DENND4A: variants seen among roughly 807,000 people sequenced by gnomAD.
DENND4A encodes the protein C-myc promoter-binding protein.
DENND4A carries 70 observed loss-of-function variants against 199.3 expected under a neutral mutation model. The observed-to-expected ratio is 0.35, with a 90% CI of 0.29 to 0.43. The LOEUF (loss-of-function observed/expected upper bound fraction) is 0.43, where lower values mean the gene tolerates loss of function less well. Ranked by LOEUF, DENND4A falls within the 20% of genes least tolerant of loss-of-function variation. The pLI is 1.00. For synonymous variants in DENND4A, 686 were observed against 766.9 expected, an observed-to-expected ratio of 0.89 and a Z score of 1.74; for missense variants, 1,723 against 2,255.8, an observed-to-expected ratio of 0.76 and a Z score of 4.78.
intron 1 of DENND4A, among the ~76,000 whole-genome samples, chr15:65,762,743 G>A (rs905324252): frequency 2.6e-5 from 4 of 152,296 alleles, no homozygotes; most frequent in South Asian, 2.1e-4. Context: ...TAATCTAGAG[G>A]TGATTTAAAG....
intron 16 of DENND4A, 150 bp from the exon 17 acceptor site, chr15:65,702,661 A>G: frequency 1.1e-6 from 1 of 909,124 alleles, no homozygotes; most frequent in Non-Finnish European, 1.6e-6. Flanking sequence ...TTTCTTTTTG[A>G]ATCTGTATTA....
At position 65,670,318 on chromosome 15, in the gene DENND4A, G is replaced by A. The variant is rs2076177889; in HGVS notation, c.4465-130C>T. 6 of 703,566 alleles carry A rather than the reference G, an allele frequency of 8.5e-6. No individual in the cohort carries two copies. The South Asian group carries it at 2.3e-4, about 27-fold the overall frequency. The allele number at this position is 703,566 out of a possible 1,614,324, so 43.6% of individuals were successfully genotyped here. A position where few individuals can be genotyped will look rare whatever the true frequency, so the allele number is the denominator to read the frequency against. On this transcript the variant is annotated intron_variant, in intron 25 of 32. Transcript: ENST00000443035. ...ATTCAGATGCTATACACAAACACTG[G>A]ATTACATCAGTGTATTATATACTAT... is the stretch of plus-strand genomic sequence containing the variant.
intron 2 of DENND4A, among the ~76,000 whole-genome samples, chr15:65,759,950 T>C (rs1299043055): frequency 2.6e-5 from 4 of 152,194 alleles, no homozygotes; most frequent in Non-Finnish European, 5.9e-5. Flanking sequence ...TTTTAAAGGG[T>C]ACAATGAATA....
Position 65,756,293 on chromosome 15 carries a change from T to C in DENND4A, c.158A>G (p.Lys53Arg). The change falls in exon 3 of 33, where the codon AAA becomes AGA. Residue 53 changes from lysine (K) to arginine (R), a missense_variant. Lys to Arg is a conservative substitution (Grantham distance 26, BLOSUM62 2). This residue lies in a region of DENND4A where 725 missense variants were observed against 952.9 expected (regional missense o/e 0.76). Transcript: ENST00000443035. ...EPITDVSVII[K>R]SLGEEVPQDY... is the part of the protein sequence containing the mutation. ...CTGTGGGACTTCCTCCCCAAGAGATTTGATAATAACTGAAACATCTGTAAT... is the reference window on the plus strand; with the variant it reads ...CTGTGGGACTTCCTCCCCAAGAGATCTGATAATAACTGAAACATCTGTAAT... The C allele has an allele frequency of 6.2e-7, 1 of 1,613,636 alleles. No homozygotes were observed.
chr15:65,718,254 G>T (rs996549024), intron 12 of DENND4A, among the ~76,000 whole-genome samples: 1 of 152,088 alleles, frequency 6.6e-6, no homozygotes, highest in Non-Finnish European at 1.5e-5. Flanking sequence ...GTCGGTCATG[G>T]TAGCTCATGC....
At chr15:65,667,845 T>C in intron 28 of DENND4A, 80 bp downstream of exon 28, 1 of 1,509,672 alleles carries the variant, frequency 6.6e-7, no homozygotes, top group East Asian at 2.3e-5. Context: ...ATAAAGCTAA[T>C]AAGACTACTT....
chr15:65,711,664 G>T (rs73471614), intron 14 of DENND4A, among the ~76,000 whole-genome samples: 2,325 of 152,170 alleles, frequency 0.015, 67 homozygotes, highest in African/African-American at 0.054. Flanking sequence ...AAAATATTTG[G>T]AACTCATGGT....
intron 12 of DENND4A, among the ~76,000 whole-genome samples, chr15:65,722,319 G>T (rs1385756682): frequency 6.6e-6 from 1 of 152,050 alleles, no homozygotes; most frequent in Non-Finnish European, 1.5e-5. Flanking sequence ...TAAAAAATTA[G>T]CCAGGCGTAG....
chr15:65,670,608 T>C (rs996556130), intron 25 of DENND4A, among the ~76,000 whole-genome samples: 10 of 152,228 alleles, frequency 6.6e-5, no homozygotes, highest in Admixed American at 3.3e-4. Flanking sequence ...GGAGGATTTA[T>C]AAACTTTTTA....
chr15:65,720,670 C>T (rs2075591114), intron 12 of DENND4A, among the ~76,000 whole-genome samples: 1 of 151,648 alleles, frequency 6.6e-6, no homozygotes, highest in African/African-American at 2.4e-5. Context: ...CCTCGGCCTC[C>T]CAAAGTGCTG....
chr15:65,660,112 C>T lies in DENND4A; in HGVS notation c.*1739G>A. 1 of 536,496 alleles carries T rather than the reference C, an allele frequency of 1.9e-6. No individual in the cohort carries two copies. Among genetic ancestry groups the T allele is most frequent in the Non-Finnish European group, 3.3e-6 (1 of 303,658 alleles). 33.2% of individuals were successfully genotyped at this position (536,496 alleles called of 1,614,324 possible). A position where few individuals can be genotyped will look rare whatever the true frequency, so the allele number is the denominator to read the frequency against. On this transcript the variant is annotated 3_prime_UTR_variant, in exon 33 of 33. Coordinates refer to ENST00000443035, the MANE Select transcript of DENND4A (RefSeq NM_001320835.1). ...CAAATGATTTAAAGAACATGAAGAA[C>T]AAGTAGAACATGAAGCTTGGATCTG...
intron 11 of DENND4A, 114 bp from the exon 12 acceptor site, chr15:65,723,062 A>G: frequency 1.2e-6 from 1 of 809,414 alleles, no homozygotes; most frequent in African/African-American, 1.8e-5. Flanking sequence ...ATGAAAAATG[A>G]AAAACAAAAT....
chr15:65,759,388 G>A (rs954796922), intron 2 of DENND4A, among the ~76,000 whole-genome samples: 2 of 152,078 alleles, frequency 1.3e-5, no homozygotes, highest in Non-Finnish European at 2.9e-5. Flanking sequence ...TGAGGCAGGA[G>A]AATTGCTTGA....
chr15:65,728,581 T>C (rs1287672777), intron 11 of DENND4A, among the ~76,000 whole-genome samples: 1 of 152,008 alleles, frequency 6.6e-6, no homozygotes, highest in Admixed American at 6.5e-5. Context: ...CCTCCCGGGT[T>C]GAAGCAATTC....
intron 23 of DENND4A, chr15:65,681,277 TTCCAAAC>T (rs1368885388): frequency 6.6e-6 from 1 of 152,232 alleles, no homozygotes; most frequent in Non-Finnish European, 1.5e-5. Context: ...AATCTATTTC[TTCCAAAC>T]TCCAGTTAAT....
At chr15:65,782,123 G>C (rs2077451278) in intron 1 of DENND4A, among the ~76,000 whole-genome samples, 1 of 152,190 alleles carries the variant, frequency 6.6e-6, no homozygotes, top group African/African-American at 2.4e-5. Context: ...GTAGGTGACT[G>C]TGAATACTAA....
At chr15:65,685,300 G>C (rs932598954) in intron 23 of DENND4A, among the ~76,000 whole-genome samples, 66 of 152,156 alleles carry the variant, frequency 4.3e-4, no homozygotes, top group African/African-American at 1.5e-3. Flanking sequence ...CTAATTTTTT[G>C]TATTTTTAGT....
At chr15:65,717,370 G>A (rs376410714) in intron 13 of DENND4A, among the ~76,000 whole-genome samples, 2 of 152,078 alleles carry the variant, frequency 1.3e-5, no homozygotes, top group South Asian at 2.1e-4. Context: ...TATTTGTAAA[G>A]TACATAATAT....
intron 28 of DENND4A, 93 bp from the exon 29 acceptor site, chr15:65,667,796 A>G (rs1407774592): frequency 1.3e-6 from 2 of 1,493,070 alleles, no homozygotes; most frequent in Non-Finnish European, 1.8e-6. Context: ...GAAAAGTAAT[A>G]TAATTGTATC....
Sources: allele counts gnomAD v4.1 joint callset (sites outside exome capture counted in the v4.1 genomes callset), GRCh38; gene constraint gnomAD v4.1.1; regional missense constraint gnomAD v4.1.1; transcripts MANE v1.5; gene names NCBI Gene and HGNC (gene_info 2026-07-23, HGNC 2026-07-21).